The following KNTC1 variants were observed in gnomAD, a reference collection of about 807,000 sequenced individuals.
KNTC1 encodes kinetochore associated 1.
In KNTC1, 253 loss-of-function variants were observed where a neutral mutation model predicts 314.4. That is an observed-to-expected ratio of 0.80 (90% CI 0.73 to 0.89). The LOEUF is 0.89. KNTC1 is among the 40% of genes least tolerant of loss of function. The probability of loss-of-function intolerance (pLI) is 0.00; values close to 1 mark genes in which losing one functional copy is unlikely to be tolerated. For synonymous variants in KNTC1, 901 were observed against 901.4 expected, an observed-to-expected ratio of 1.00 and a Z score of 0.01; for missense variants, 2,475 against 2,572.9, an observed-to-expected ratio of 0.96 and a Z score of 0.82.
intron 61 of KNTC1, 85 bp from the exon 62 acceptor site, chr12:122,622,377 G>A (rs927209094): frequency 9.9e-6 from 12 of 1,210,734 alleles, no homozygotes; most frequent in African/African-American, 9.3e-5. Flanking sequence ...ATTGAATAAA[G>A]GCTTGATACC....
In KNTC1 at chr12:122,543,719, ACTT is replaced by A. The variant is rs1267162564; in HGVS notation, c.558+89_558+91del. On this transcript the variant is annotated intron_variant, in intron 7 of 63. Transcript: ENST00000333479. ...GAATGTTTCTGTATATAATTGGTCT[ACTT>A]CTTGATATTTTAGAAATTATTATGA... The A allele has an allele frequency of 2.7e-5, 20 of 752,074 alleles. No individual in the cohort carries two copies. In the African/African-American group the frequency reaches 2.9e-4, roughly 11 times the overall value. 46.6% of individuals were successfully genotyped at this position (752,074 alleles called of 1,614,324 possible). A position where few individuals can be genotyped will look rare whatever the true frequency, so the allele number is the denominator to read the frequency against.
At chr12:122,590,765 C>A in intron 41 of KNTC1, 30 bp downstream of exon 41, 1 of 1,595,918 alleles carries the variant, frequency 6.3e-7, no homozygotes, top group South Asian at 1.1e-5. Context: ...ACCTTCAATT[C>A]TTGAAGTATT....
chr12:122,573,056 G>A lies in KNTC1; in HGVS notation c.2139G>A (p.Lys713=). 1 of 1,612,532 alleles carries A rather than the reference G, an allele frequency of 6.2e-7. No homozygotes were observed. The highest frequency in any genetic ancestry group is 2.2e-5 in the East Asian group (1 of 44,844). The part of the protein sequence containing the change: ...NCKLALSDFE[K]ENTTTIVFRM... ...AATTAGCCCTCTCTGATTTTGAGAA[G>A]GTAAAGTCCAGGGTCATAAGAATTA... The change falls in exon 25 of 64, where the codon AAG becomes AAA. Residue 713 remains lysine, a splice_region_variant and synonymous_variant. Coordinates refer to ENST00000333479, the MANE Select transcript of KNTC1 (RefSeq NM_014708.6).
chr12:122,623,653 A>G (rs1219179379), intron 62 of KNTC1, among the ~76,000 whole-genome samples: 1 of 152,194 alleles, frequency 6.6e-6, no homozygotes, highest in Non-Finnish European at 1.5e-5. Flanking sequence ...ATTCTCTGAA[A>G]GTTTCCTCAT....
intron 59 of KNTC1, 70 bp downstream of exon 59, chr12:122,618,615 A>G: frequency 9.1e-7 from 1 of 1,096,714 alleles, no homozygotes; most frequent in Non-Finnish European, 1.4e-6. Flanking sequence ...TCTAATAGAT[A>G]TCTCTAATGA....
chr12:122,598,561 C>T lies in KNTC1; in HGVS notation c.4563+623C>T, dbSNP rs969501952. 1.0e-4 allele frequency among the ~76,000 whole-genome samples: 15 copies of T among 149,462 alleles called. No individual in the cohort carries two copies. The South Asian group carries it at 3.2e-3, about 32-fold the overall frequency. On this transcript the variant is annotated intron_variant, in intron 44 of 63. Transcript: ENST00000333479. ...TCAGCCTCCCGAATAGCTGGAATTA[C>T]AGGTGTGCACCATCATGCCTGGCTC...
In KNTC1 at chr12:122,549,665, C is replaced by T. The variant is rs574572842; in HGVS notation, c.988-101C>T. 46 of 676,552 alleles carry T rather than the reference C, an allele frequency of 6.8e-5. No individual in the cohort carries two copies. In the Middle Eastern group the frequency reaches 1.2e-3, roughly 17 times the overall value. The allele number at this position is 676,552 out of a possible 1,614,324, so 41.9% of individuals were successfully genotyped here. On this transcript the variant is annotated intron_variant, in intron 12 of 63. Coordinates refer to ENST00000333479, the MANE Select transcript of KNTC1 (RefSeq NM_014708.6). Reference sequence around the variant, plus strand: ...ATAGGCATGAGCCACCACGCCCAGCCGCTCCCATGTGTTTTAATCTGCTCT... The same window carrying T: ...ATAGGCATGAGCCACCACGCCCAGCTGCTCCCATGTGTTTTAATCTGCTCT...
At chr12:122,573,312 A>G (rs757097077) in intron 26 of KNTC1, 27 bp downstream of exon 26, 2 of 1,601,792 alleles carry the variant, frequency 1.2e-6, no homozygotes, top group Admixed American at 1.7e-5. Context: ...ATCTAGTCTT[A>G]TTTCTTGGAT....
chr12:122,575,216 G>A (rs1241202038), intron 27 of KNTC1, among the ~76,000 whole-genome samples: 2 of 152,018 alleles, frequency 1.3e-5, no homozygotes, highest in South Asian at 2.1e-4. Context: ...AGCTGAGATC[G>A]CGCCACTGCA....
chr12:122,596,904 T>G (rs1273775809), intron 43 of KNTC1, among the ~76,000 whole-genome samples: 4 of 152,288 alleles, frequency 2.6e-5, no homozygotes, highest in South Asian at 4.1e-4. Flanking sequence ...TTGTTTCAAT[T>G]TCATTTATTT....
rs946421480 is a variant in KNTC1, at chr12:122,556,618, G to A, written c.1273-766G>A. On this transcript the variant is annotated intron_variant, in intron 16 of 63. Coordinates refer to ENST00000333479, the MANE Select transcript of KNTC1 (RefSeq NM_014708.6). ...CTCCCAGGTAGCTGGGATTACAGGC[G>A]CCCACTAACATGCACTGCTAAGTTT... is the stretch of plus-strand genomic sequence containing the variant. Among the ~76,000 whole-genome samples, 7 of 151,444 alleles carry A rather than the reference G, an allele frequency of 4.6e-5. No homozygotes were observed. In the East Asian group the frequency reaches 9.7e-4, roughly 21 times the overall value.
intron 3 of KNTC1, 143 bp from the exon 4 acceptor site, chr12:122,538,196 T>G: frequency 1.7e-6 from 1 of 590,296 alleles, no homozygotes; most frequent in Non-Finnish European, 3.0e-6. Flanking sequence ...AACATTCTTT[T>G]TTACTTTCAT....
intron 57 of KNTC1, among the ~76,000 whole-genome samples, chr12:122,615,962 TCTGA>T (rs1873721178): frequency 1.3e-5 from 2 of 152,148 alleles, no homozygotes; most frequent in Admixed American, 1.3e-4. Context: ...TTGGCTCCAC[TCTGA>T]CTTTTGTCAC....
chr12:122,554,008 G>C (rs577846976), intron 16 of KNTC1, among the ~76,000 whole-genome samples: 1 of 147,554 alleles, frequency 6.8e-6, no homozygotes, highest in South Asian at 2.1e-4. Flanking sequence ...GTGGGTGCTT[G>C]CTACTCGTGC....
At chr12:122,618,268 G>A in intron 57 of KNTC1, 75 bp from the exon 58 acceptor site, 1 of 1,332,454 alleles carries the variant, frequency 7.5e-7, no homozygotes, top group Non-Finnish European at 1.1e-6. Flanking sequence ...CACCGCGCCT[G>A]GCCTAGACTG....
chr12:122,541,956 A>C, intron 5 of KNTC1, 94 bp from the exon 6 acceptor site: 2 of 1,252,522 alleles, frequency 1.6e-6, no homozygotes, highest in Non-Finnish European at 2.1e-6. Flanking sequence ...CGGAGGTTGC[A>C]GGGAGCCGAG....
chr12:122,557,443 T>C lies in KNTC1; in HGVS notation c.1332T>C (p.Asp444=), dbSNP rs1324365861. The C allele has an allele frequency of 6.2e-7, 1 of 1,613,614 alleles. No individual in the cohort carries two copies. Among genetic ancestry groups the C allele is most frequent in the Non-Finnish European group, 8.5e-7 (1 of 1,179,664 alleles). The change falls in exon 17 of 64, where the codon GAT becomes GAC. Residue 444 remains aspartate (D), a synonymous_variant. Transcript: ENST00000333479. ...ILEKLALSSV[D]ASEQTEWQQL... ...AGAAACTGGCATTGAGTTCTGTGGA[T>C]GCCAGTGAACAGACCGAATGGCAAC...
intron 24 of KNTC1, among the ~76,000 whole-genome samples, chr12:122,571,499 C>A (rs117004589): frequency 0.018 from 2,793 of 151,980 alleles, 50 homozygotes; most frequent in Middle Eastern, 0.031. Context: ...GCTGGGACTA[C>A]AGGTGCGCAT....
chr12:122,539,582 A>G, intron 4 of KNTC1, 94 bp from the exon 5 acceptor site: 1 of 849,482 alleles, frequency 1.2e-6, no homozygotes, highest in Non-Finnish European at 1.8e-6. Flanking sequence ...AATTATTGCT[A>G]ATGATAATTG....
Sources: gnomAD v4.1 joint callset for allele counts (sites outside exome capture counted in the v4.1 genomes callset) on GRCh38, gnomAD v4.1.1 for gene constraint, MANE v1.5 for transcripts, NCBI Gene and HGNC (gene_info 2026-07-23, HGNC 2026-07-21) for gene names.